The following ASCC3 variants were observed in gnomAD, a reference collection of about 807,000 sequenced individuals.
The protein encoded by ASCC3 is activating signal cointegrator 1 complex subunit 3, also known as ASC-1 complex subunit P200.
Under a neutral mutation model 256.3 loss-of-function variants are expected in ASCC3, and 158 were observed. That is an observed-to-expected ratio of 0.62 (90% confidence interval 0.54 to 0.70). ASCC3 has a LOEUF of 0.70. ASCC3 is among the 30% of genes least tolerant of loss of function. The pLI, the probability that ASCC3 is intolerant of heterozygous loss-of-function variation, is 0.00. For missense variants in ASCC3, 2,259 were observed against 2,626.0 expected (o/e 0.86, Z 3.05); for synonymous variants, 948 against 883.4 (o/e 1.07, Z -1.30).
At chr6:100,536,577 G>A (rs1775174135) in intron 37 of ASCC3, among the ~76,000 whole-genome samples, 1 of 152,042 alleles carries the variant, frequency 6.6e-6, no homozygotes, top group Admixed American at 6.6e-5. Flanking sequence ...GACCTCCTGG[G>A]TTCAAGCAAT....
chr6:100,802,720 C>G (rs527645666), intron 5 of ASCC3, among the ~76,000 whole-genome samples: 190 of 152,102 alleles, frequency 1.2e-3, no homozygotes, highest in African/African-American at 4.5e-3. Context: ...CAGAATCAGG[C>G]TGGGCACTGT....
At chr6:100,720,808 T>C (rs2115029947) in intron 11 of ASCC3, among the ~76,000 whole-genome samples, 1 of 148,840 alleles carries the variant, frequency 6.7e-6, no homozygotes, top group East Asian at 2.0e-4. Context: ...ATGAAATTAT[T>C]ATACATATAT....
In ASCC3 at chr6:100,767,472, T is replaced by G; in HGVS notation, c.1396-127A>C. On this transcript the variant is annotated intron_variant, in intron 8 of 41. Coordinates refer to ENST00000369162, the MANE Select transcript of ASCC3 (RefSeq NM_006828.4). ...GACTAATTTGTACTTTCACAATGTGTCTTTTATTTAAACGGAGGTATATGC... is the reference window on the plus strand; with the variant it reads ...GACTAATTTGTACTTTCACAATGTGGCTTTTATTTAAACGGAGGTATATGC... 6 of 969,214 alleles carry G rather than the reference T, an allele frequency of 6.2e-6. No homozygotes were observed. The South Asian group carries it at 8.8e-5, about 14-fold the overall frequency. 60.0% of individuals were successfully genotyped at this position (969,214 alleles called of 1,614,324 possible).
Position 100,606,759 on chromosome 6 carries a change from A to G in ASCC3, c.5025T>C (p.Tyr1675=), listed in dbSNP as rs1582544572. 2 of 1,605,542 alleles carry G rather than the reference A, an allele frequency of 1.2e-6. No individual in the cohort carries two copies. Among genetic ancestry groups the G allele is most frequent in the East Asian group, 2.2e-5 (1 of 44,648 alleles). Reference sequence around the variant, plus strand: ...AATTACCTGTAATGGGAAAATCCACATAACGTCTTGTTTTTCCATCATAGT... The same window carrying G: ...AATTACCTGTAATGGGAAAATCCACGTAACGTCTTGTTTTTCCATCATAGT... The part of the protein sequence containing the change: ...TEYYDGKTRR[Y]VDFPITDVLQ... The change falls in exon 32 of 42, where the codon TAT becomes TAC. Residue 1675 remains tyrosine (Y), a synonymous_variant. Transcript: ENST00000369162.
intron 8 of ASCC3, among the ~76,000 whole-genome samples, chr6:100,781,819 C>T (rs956939805): frequency 2.0e-5 from 3 of 152,014 alleles, no homozygotes; most frequent in African/African-American, 7.2e-5. Context: ...GAATTTCCCA[C>T]ATTAAGAATA....
At chr6:100,591,869 T>C (rs1415853580) in intron 34 of ASCC3, among the ~76,000 whole-genome samples, 1 of 152,006 alleles carries the variant, frequency 6.6e-6, no homozygotes, top group African/African-American at 2.4e-5. Flanking sequence ...TGAATAAATT[T>C]GGTACACTTA....
intron 8 of ASCC3, among the ~76,000 whole-genome samples, chr6:100,776,389 C>T (rs902597917): frequency 1.3e-5 from 2 of 152,074 alleles, no homozygotes; most frequent in South Asian, 4.1e-4. Flanking sequence ...CAAAACATAT[C>T]ATAATTAGCA....
At chr6:100,841,912 C>A (rs551374622) in intron 4 of ASCC3, among the ~76,000 whole-genome samples, 39 of 152,236 alleles carry the variant, frequency 2.6e-4, no homozygotes, top group African/African-American at 8.7e-4. Context: ...AATAAGTATA[C>A]CTCATTACAT....
chr6:100,808,405 A>T (rs1365045374), intron 4 of ASCC3, among the ~76,000 whole-genome samples: 1 of 151,956 alleles, frequency 6.6e-6, no homozygotes, highest in East Asian at 1.9e-4. Context: ...GTCAAGTTTT[A>T]ATTTAGTATC....
chr6:100,648,560 TATTAGAA>T (rs1360347302), intron 20 of ASCC3, among the ~76,000 whole-genome samples: 1 of 152,014 alleles, frequency 6.6e-6, no homozygotes, highest in East Asian at 1.9e-4. Flanking sequence ...TTTGTTTCAG[TATTAGAA>T]ATTAAAGTAC....
chr6:100,639,895 A>G (rs1775030563), intron 24 of ASCC3, among the ~76,000 whole-genome samples: 1 of 152,110 alleles, frequency 6.6e-6, no homozygotes, highest in Admixed American at 6.6e-5. Flanking sequence ...CGGATGGATC[A>G]CCTGAGGTCA....
At chr6:100,873,285 C>T (rs913476010) in intron 1 of ASCC3, among the ~76,000 whole-genome samples, 1 of 151,800 alleles carries the variant, frequency 6.6e-6, no homozygotes, top group Non-Finnish European at 1.5e-5. Context: ...CTTCAGAGCT[C>T]GAAGACAAGG....
intron 10 of ASCC3, among the ~76,000 whole-genome samples, chr6:100,759,885 T>C (rs555951439): frequency 4.6e-4 from 70 of 152,314 alleles, no homozygotes; most frequent in Non-Finnish European, 7.8e-4. Context: ...GCTTGTTAGC[T>C]GTATTCCTAG....
At chr6:100,591,725 A>C (rs942514033) in intron 34 of ASCC3, among the ~76,000 whole-genome samples, 2 of 152,004 alleles carry the variant, frequency 1.3e-5, no homozygotes, top group African/African-American at 4.8e-5. Flanking sequence ...TGTGAAATAC[A>C]AAAAAATTAA....
chr6:100,776,055 C>G (rs1043023440), intron 8 of ASCC3, among the ~76,000 whole-genome samples: 2 of 152,024 alleles, frequency 1.3e-5, no homozygotes, highest in African/African-American at 4.8e-5. Flanking sequence ...CTCTATTTTA[C>G]TCAACTTTAG....
intron 2 of ASCC3, among the ~76,000 whole-genome samples, chr6:100,867,010 A>C (rs1208034590): frequency 2.0e-5 from 3 of 152,148 alleles, no homozygotes; most frequent in Non-Finnish European, 4.4e-5. Context: ...TATGTAATTT[A>C]TTTTATACCT....
intron 4 of ASCC3, among the ~76,000 whole-genome samples, chr6:100,808,173 ATTC>A (rs1266172053): frequency 1.3e-5 from 2 of 151,920 alleles, no homozygotes; most frequent in African/African-American, 4.8e-5. Flanking sequence ...TAATGAATGA[ATTC>A]TTTTTCTATT....
chr6:100,844,893 G>A lies in ASCC3; in HGVS notation c.801+3255C>T, dbSNP rs115282588. On this transcript the variant is annotated intron_variant, in intron 4 of 41. Transcript: ENST00000369162. Reference sequence around the variant, plus strand: ...AATAATTAAAACTCATCTTAAACAGGTCTAAAACAGGAGAACATAGATGTG... The same window carrying A: ...AATAATTAAAACTCATCTTAAACAGATCTAAAACAGGAGAACATAGATGTG... Among the ~76,000 whole-genome samples the A allele has an allele frequency of 3.8e-3, 585 of 152,158 alleles. 8 individuals are homozygous for A. Among genetic ancestry groups the A allele is most frequent in the African/African-American group, 0.014 (563 of 41,552 alleles).
intron 9 of ASCC3, 118 bp downstream of exon 9, chr6:100,767,023 ATTAC>A: frequency 9.8e-7 from 1 of 1,020,974 alleles, no homozygotes; most frequent in Non-Finnish European, 1.5e-6. Flanking sequence ...ATCAAACAGT[ATTAC>A]TTATCTGACT....
Sources: gnomAD v4.1 joint callset for allele counts (sites outside exome capture counted in the v4.1 genomes callset) on GRCh38, gnomAD v4.1.1 for gene constraint, MANE v1.5 for transcripts, NCBI Gene and HGNC (gene_info 2026-07-23, HGNC 2026-07-21) for gene names.